NLGN1: variants seen among roughly 807,000 people sequenced by gnomAD.
NLGN1 encodes neuroligin-1.
Under a neutral mutation model 65.5 loss-of-function variants are expected in NLGN1, and 12 were observed. That is an observed-to-expected ratio of 0.18 (90% CI 0.12 to 0.30). NLGN1 has a LOEUF of 0.30. Among genes scored for constraint, NLGN1 ranks in the 10% least tolerant of loss-of-function variants. NLGN1 has a pLI of 1.00. For missense variants in NLGN1, 750 were observed against 1,007.1 expected (o/e 0.74, Z 3.46); for synonymous variants, 350 against 359.5 (o/e 0.97, Z 0.30).
intron 4 of NLGN1, among the ~76,000 whole-genome samples, chr3:173,811,649 TAATC>T (rs1035448520): frequency 2.0e-5 from 3 of 146,650 alleles, no homozygotes; most frequent in African/African-American, 7.6e-5. Flanking sequence ...AGGGGGGAAA[TAATC>T]AAACTTAAAT....
chr3:174,104,800 G>A (rs1340540102), intron 4 of NLGN1, among the ~76,000 whole-genome samples: 1 of 152,062 alleles, frequency 6.6e-6, no homozygotes, highest in Non-Finnish European at 1.5e-5. Context: ...CAGGGTTAGG[G>A]TTAATATTTT....
chr3:174,293,565 G>A, the NLGN1 span, among the ~76,000 whole-genome samples: 11 of 151,492 alleles, frequency 7.3e-5, no homozygotes, highest in East Asian at 1.9e-4. Context: ...AATTCTCAAC[G>A]TCAGCTCTGG....
At chr3:174,117,250 A>G (rs986776927) in intron 4 of NLGN1, among the ~76,000 whole-genome samples, 5 of 151,750 alleles carry the variant, frequency 3.3e-5, no homozygotes, top group African/African-American at 9.7e-5. Context: ...GAAAGAATGA[A>G]GATTTCAAAT....
At chr3:173,730,340 A>T (rs1020699522) in intron 3 of NLGN1, among the ~76,000 whole-genome samples, 2 of 117,870 alleles carry the variant, frequency 1.7e-5, no homozygotes, top group Non-Finnish European at 3.7e-5. Context: ...CCCCGCAAAA[A>T]TAGAATGAAA....
intron 4 of NLGN1, among the ~76,000 whole-genome samples, chr3:174,088,283 T>TA (rs1266931337): frequency 6.6e-6 from 1 of 151,938 alleles, no homozygotes; most frequent in Non-Finnish European, 1.5e-5. Context: ...CAAGTGACAA[T>TA]AAAAAGGAGA....
intron 4 of NLGN1, among the ~76,000 whole-genome samples, chr3:174,050,556 C>T (rs1190670283): frequency 2.6e-5 from 4 of 151,988 alleles, no homozygotes; most frequent in Non-Finnish European, 5.9e-5. Flanking sequence ...AATAGTACAT[C>T]GCTTAGCATA....
intron 2 of NLGN1, among the ~76,000 whole-genome samples, chr3:173,488,858 C>T (rs116457118): frequency 0.011 from 1,632 of 150,978 alleles, 29 homozygotes; most frequent in African/African-American, 0.038. Context: ...ACAGTTTCTC[C>T]ATTTTTCTCC....
At chr3:174,009,719 G>A (rs1464412541) in intron 4 of NLGN1, among the ~76,000 whole-genome samples, 1 of 152,134 alleles carries the variant, frequency 6.6e-6, no homozygotes, top group Non-Finnish European at 1.5e-5. Flanking sequence ...TAGAAACAAA[G>A]TAATATATTT....
At chr3:174,047,486 C>T (rs1490181286) in intron 4 of NLGN1, among the ~76,000 whole-genome samples, 1 of 151,982 alleles carries the variant, frequency 6.6e-6, no homozygotes. Context: ...ACCATATGCA[C>T]ATACTATTGT....
intron 4 of NLGN1, among the ~76,000 whole-genome samples, chr3:174,187,122 G>T (rs1561245444): frequency 6.6e-6 from 1 of 151,516 alleles, no homozygotes; most frequent in Non-Finnish European, 1.5e-5. Context: ...TTTTATTGTT[G>T]TATTATTATT....
At chr3:173,710,022 A>G (rs1257213783) in intron 3 of NLGN1, among the ~76,000 whole-genome samples, 1 of 152,180 alleles carries the variant, frequency 6.6e-6, no homozygotes, top group African/African-American at 2.4e-5. Flanking sequence ...CCTACTGTTC[A>G]TCTAATATTA....
chr3:173,399,068 T>G (rs892395516), intron 1 of NLGN1, among the ~76,000 whole-genome samples: 1 of 152,224 alleles, frequency 6.6e-6, no homozygotes, highest in Non-Finnish European at 1.5e-5. Context: ...CATTCATATA[T>G]TTAAAATATT....
chr3:173,624,082 T>TA (rs1389213149), intron 3 of NLGN1, among the ~76,000 whole-genome samples: 1 of 152,142 alleles, frequency 6.6e-6, no homozygotes, highest in South Asian at 2.1e-4. Context: ...CAGCTGTTGA[T>TA]AGAGTTCTTG....
At chr3:173,784,225 C>G (rs1392082167) in intron 3 of NLGN1, among the ~76,000 whole-genome samples, 3 of 152,012 alleles carry the variant, frequency 2.0e-5, no homozygotes, top group East Asian at 3.9e-4. Context: ...AATAGATATT[C>G]TAGGTGTAAA....
intron 2 of NLGN1, among the ~76,000 whole-genome samples, chr3:173,586,137 T>C (rs1287120949): frequency 6.6e-6 from 1 of 152,240 alleles, no homozygotes; most frequent in Non-Finnish European, 1.5e-5. Flanking sequence ...GTTGGCTTTT[T>C]TTTTTAAAGC....
At chr3:173,615,135 A>G (rs1752866384) in intron 3 of NLGN1, among the ~76,000 whole-genome samples, 1 of 152,082 alleles carries the variant, frequency 6.6e-6, no homozygotes, top group Admixed American at 6.6e-5. Context: ...AAAACTTTGT[A>G]TAATATTTAC....
chr3:173,675,391 C>T (rs1762983391), intron 3 of NLGN1, among the ~76,000 whole-genome samples: 2 of 152,082 alleles, frequency 1.3e-5, no homozygotes, highest in African/African-American at 4.8e-5. Context: ...CAAAATTCAT[C>T]ATTTTAATGC....
chr3:174,126,822 C>CTAAAAATAAATAAA, intron 4 of NLGN1, among the ~76,000 whole-genome samples: 1 of 152,196 alleles, frequency 6.6e-6, no homozygotes, highest in Admixed American at 6.5e-5. Context: ...TTACACAATA[C>CTAAAAATAAATAAA]TTACTAAAAA....
chr3:173,858,905 T>G (rs759759991), intron 4 of NLGN1, among the ~76,000 whole-genome samples: 1 of 152,082 alleles, frequency 6.6e-6, no homozygotes, highest in Non-Finnish European at 1.5e-5. Context: ...GGAAACCACA[T>G]TGATAATGTC....
Sources: allele counts gnomAD v4.1 joint callset (sites outside exome capture counted in the v4.1 genomes callset), GRCh38; gene constraint gnomAD v4.1.1; transcripts MANE v1.5; gene names NCBI Gene and HGNC (gene_info 2026-07-23, HGNC 2026-07-21).